Variants in LAMA4 observed in about 807,000 individuals in gnomAD.
LAMA4 encodes the protein laminin subunit alpha-4.
A neutral mutation model predicts 207.1 loss-of-function variants in LAMA4; 127 were observed. That is an observed-to-expected ratio of 0.61 (90% CI 0.53 to 0.71). The LOEUF (loss-of-function observed/expected upper bound fraction) is 0.71, where lower values mean the gene tolerates loss of function less well. LAMA4 is among the 30% of genes least tolerant of loss of function. LAMA4 has a pLI of 0.00. For missense variants in LAMA4, 2,093 were observed against 2,246.5 expected (o/e 0.93, Z 1.38); for synonymous variants, 761 against 816.0 (o/e 0.93, Z 1.15).
chr6:112,192,065 T>G (rs1465666176), intron 5 of LAMA4, among the ~76,000 whole-genome samples: 2 of 152,248 alleles, frequency 1.3e-5, no homozygotes, highest in Non-Finnish European at 2.9e-5. Context: ...ACTTCATCTG[T>G]AGGCCATTCA....
At chr6:112,240,283 T>C (rs1376346635) in intron 2 of LAMA4, among the ~76,000 whole-genome samples, 12 of 152,106 alleles carry the variant, frequency 7.9e-5, no homozygotes, top group African/African-American at 2.7e-4. Context: ...TGTGGGTAAA[T>C]AGTAGGTGTA....
At chr6:112,189,813 C>T (rs575962141) in intron 6 of LAMA4, among the ~76,000 whole-genome samples, 5 of 152,258 alleles carry the variant, frequency 3.3e-5, no homozygotes, top group Admixed American at 6.5e-5. Context: ...ATTTAGAAGA[C>T]GTGGGAGCCC....
At chr6:112,114,834 C>T (rs1777917000) in intron 36 of LAMA4, 78 bp from the exon 37 acceptor site, 8 of 1,022,816 alleles carry the variant, frequency 7.8e-6, no homozygotes, top group East Asian at 4.9e-5. Flanking sequence ...TAATTTACCA[C>T]AGTGAAGCAA....
intron 13 of LAMA4, among the ~76,000 whole-genome samples, chr6:112,163,751 A>G (rs1000637689): frequency 5.9e-5 from 9 of 152,230 alleles, no homozygotes; most frequent in African/African-American, 2.2e-4. Context: ...CAAGCTTTAT[A>G]AAAGATTTTT....
intron 6 of LAMA4, among the ~76,000 whole-genome samples, chr6:112,190,943 CTTTCCTTT>C (rs1411964962): frequency 0.025 from 1,039 of 41,264 alleles, 1 homozygote; most frequent in South Asian, 0.051. Context: ...TTCTTTCTTT[CTTTCCTTT>C]CTTTCTTTCT....
rs782452567 is a variant in LAMA4, at chr6:112,134,547, C to T, written c.3477G>A (p.Lys1159=). ...MILVVDRRHV[K]SMDNEKMKIP... The stretch of plus-strand genomic sequence containing the variant: ...TTTTCATCTTTTCATTATCCATGCT[C>T]TTGACATGCCTTCTGTCAACTACCA... The change falls in exon 26 of 39, where the codon AAG becomes AAA. Residue 1159 remains lysine (K), a synonymous_variant. Transcript: ENST00000230538. 6 of 1,611,130 alleles carry T rather than the reference C, an allele frequency of 3.7e-6. No individual in the cohort carries two copies. The highest frequency in any genetic ancestry group is 2.2e-5 in the East Asian group (1 of 44,858).
At chr6:112,173,885 C>T (rs533571133) in intron 11 of LAMA4, among the ~76,000 whole-genome samples, 4 of 152,058 alleles carry the variant, frequency 2.6e-5, no homozygotes, top group South Asian at 4.2e-4. Flanking sequence ...AAAATGCATA[C>T]AATAAAATAT....
intron 12 of LAMA4, 68 bp from the exon 13 acceptor site, chr6:112,165,344 T>A: frequency 9.8e-7 from 1 of 1,024,506 alleles, no homozygotes; most frequent in Non-Finnish European, 1.6e-6. Context: ...GGGAGAGCAG[T>A]AAATGTCAAC....
intron 2 of LAMA4, among the ~76,000 whole-genome samples, chr6:112,232,160 T>C (rs1785607494): frequency 6.6e-6 from 1 of 152,146 alleles, no homozygotes; most frequent in African/African-American, 2.4e-5. Context: ...TCCAAATAGT[T>C]CATTAATAAA....
chr6:112,209,420 G>T (rs1271072046), intron 3 of LAMA4, among the ~76,000 whole-genome samples: 1 of 152,184 alleles, frequency 6.6e-6, no homozygotes, highest in Admixed American at 6.5e-5. Context: ...CAAAAGCAAA[G>T]CCACCAAATT....
intron 17 of LAMA4, 102 bp downstream of exon 17, chr6:112,150,409 T>A: frequency 1.2e-6 from 1 of 832,130 alleles, no homozygotes; most frequent in East Asian, 2.5e-5. Context: ...CATTTATGTA[T>A]AAAATCATTG....
At chr6:112,149,996 A>T (rs1241831927) in intron 17 of LAMA4, among the ~76,000 whole-genome samples, 1 of 152,052 alleles carries the variant, frequency 6.6e-6, no homozygotes, top group African/African-American at 2.4e-5. Context: ...TTGTTTCTCT[A>T]TTTGGGCTTG....
In LAMA4 at chr6:112,165,233, A is replaced by G. The variant is rs1583771680; in HGVS notation, c.1595T>C (p.Met532Thr). 1 of 1,613,772 alleles carries G rather than the reference A, an allele frequency of 6.2e-7. No homozygotes were observed. The highest frequency in any genetic ancestry group is 8.5e-7 in the Non-Finnish European group (1 of 1,179,610). Residue 532 changes from methionine to threonine, a missense_variant, in exon 13 of 39, where the codon ATG becomes ACG. Coordinates refer to ENST00000230538, the MANE Select transcript of LAMA4 (RefSeq NM_001105206.3). ...RVREQMEVVN[M>T]SLSTSADSLT... Reference sequence around the variant, plus strand: ...AGAGTCCGCAGATGTGCTCAGAGACATGTTCACCACTTCCATTTGTTCCCT... The same window carrying G: ...AGAGTCCGCAGATGTGCTCAGAGACGTGTTCACCACTTCCATTTGTTCCCT...
At chr6:112,188,287 T>C (rs781967157) in intron 7 of LAMA4, among the ~76,000 whole-genome samples, 11 of 152,210 alleles carry the variant, frequency 7.2e-5, no homozygotes, top group Non-Finnish European at 1.6e-4. Context: ...ACTTATAAGC[T>C]CTCTCAAGGG....
chr6:112,172,580 G>T, intron 12 of LAMA4, 31 bp downstream of exon 12: 2 of 1,604,650 alleles, frequency 1.2e-6, no homozygotes, highest in Non-Finnish European at 1.7e-6. Context: ...TGCTGATGCT[G>T]AAATGCATTG....
At chr6:112,230,238 G>A (rs1554364019) in intron 2 of LAMA4, among the ~76,000 whole-genome samples, 2 of 152,178 alleles carry the variant, frequency 1.3e-5, no homozygotes, top group South Asian at 2.1e-4. Flanking sequence ...TCCTCCAAAT[G>A]TGCTTACATT....
intron 32 of LAMA4, 59 bp from the exon 33 acceptor site, chr6:112,120,531 AC>A: frequency 7.6e-7 from 1 of 1,310,852 alleles, no homozygotes; most frequent in Non-Finnish European, 1.1e-6. Context: ...ATAATCTCTA[AC>A]TTCTTAAAAT....
Position 112,120,488 on chromosome 6 carries a change from A to T in LAMA4, c.4476-16T>A. 2 of 1,592,772 alleles carry T rather than the reference A, an allele frequency of 1.3e-6. No homozygotes were observed. Among genetic ancestry groups the T allele is most frequent in the Non-Finnish European group, 1.7e-6 (2 of 1,160,972 alleles). ...AAACTGAGATCTGGTAAATGAAAAG[A>T]AAGGGATTACCATATGTAAAATGAG... On this transcript the variant is annotated splice_polypyrimidine_tract_variant and intron_variant, in intron 32 of 38. Transcript: ENST00000230538.
chr6:112,193,479 A>C (rs1419280272), intron 5 of LAMA4, among the ~76,000 whole-genome samples: 3 of 151,998 alleles, frequency 2.0e-5, no homozygotes, highest in African/African-American at 7.3e-5. Flanking sequence ...TACATAAAAA[A>C]AAATCACATC....
Sources: allele counts gnomAD v4.1 joint callset (sites outside exome capture counted in the v4.1 genomes callset), GRCh38; gene constraint gnomAD v4.1.1; transcripts MANE v1.5; gene names NCBI Gene and HGNC (gene_info 2026-07-23, HGNC 2026-07-21).